EXOC4: variants seen among roughly 807,000 people sequenced by gnomAD.
The protein encoded by EXOC4 is exocyst complex component 4, also known as SEC8-like 1.
Under a neutral mutation model 107.2 loss-of-function variants are expected in EXOC4, and 71 were observed. The ratio of observed to expected loss-of-function variants is 0.66; its 90% CI spans 0.55 to 0.81. The LOEUF (loss-of-function observed/expected upper bound fraction) is 0.81. Ranked by LOEUF, EXOC4 falls within the 30% of genes least tolerant of loss-of-function variation. The probability of loss-of-function intolerance (pLI) is 0.00; values close to 1 mark genes in which losing one functional copy is unlikely to be tolerated. For missense variants in EXOC4, 1,108 were observed against 1,189.6 expected (o/e 0.93, Z 1.01); for synonymous variants, 456 against 441.2 (o/e 1.03, Z -0.42).
intron 9 of EXOC4, among the ~76,000 whole-genome samples, chr7:133,584,542 A>G (rs1440803815): frequency 1.6e-5 from 1 of 62,824 alleles, no homozygotes; most frequent in East Asian, 4.0e-4. Flanking sequence ...TTGTGTCACT[A>G]TTTTTCAGGC....
chr7:133,344,171 A>G (rs181860878), intron 5 of EXOC4, among the ~76,000 whole-genome samples: 1 of 150,184 alleles, frequency 6.7e-6, no homozygotes, highest in East Asian at 2.0e-4. Context: ...TTCTCTTCAC[A>G]CTTTCCTGTT....
intron 10 of EXOC4, among the ~76,000 whole-genome samples, chr7:133,755,210 A>G (rs1300789727): frequency 3.8e-5 from 5 of 132,048 alleles, no homozygotes; most frequent in East Asian, 2.1e-4. Context: ...TTGTTTATAT[A>G]TGTGTGTGTG....
At chr7:133,521,526 GA>G (rs2150910640) in intron 9 of EXOC4, among the ~76,000 whole-genome samples, 1 of 152,152 alleles carries the variant, frequency 6.6e-6, no homozygotes, top group East Asian at 1.9e-4. Context: ...CAAAATGGGA[GA>G]AATGAAGGAT....
At chr7:134,070,000 C>G (rs1796250522), downstream of EXOC4, among the ~76,000 whole-genome samples, 1 of 152,212 alleles carries the variant, frequency 6.6e-6, no homozygotes. Flanking sequence ...AAGGGGCTGT[C>G]CCTCTAGCAG....
At chr7:134,003,743 AT>A (rs1217559572) in intron 15 of EXOC4, among the ~76,000 whole-genome samples, 465 of 144,830 alleles carry the variant, frequency 3.2e-3, no homozygotes, top group African/African-American at 7.3e-3. Context: ...TTGGTTTGGG[AT>A]TTTTTTTTTT....
intron 17 of EXOC4, chr7:134,010,383 AGTTC>A (rs1233471880): frequency 2.0e-5 from 3 of 152,172 alleles, no homozygotes; most frequent in African/African-American, 7.2e-5. Context: ...TCTTCCTTGC[AGTTC>A]GTTCTTTGTA....
chr7:133,657,621 G>A (rs1202749698), intron 10 of EXOC4, among the ~76,000 whole-genome samples: 1 of 152,022 alleles, frequency 6.6e-6, no homozygotes, highest in Non-Finnish European at 1.5e-5. Context: ...TTTGGGCTCA[G>A]CATTGGGAGA....
intron 13 of EXOC4, among the ~76,000 whole-genome samples, chr7:133,936,220 TCAA>T (rs1346882065): frequency 1.3e-5 from 2 of 152,182 alleles, no homozygotes; most frequent in Admixed American, 1.3e-4. Flanking sequence ...CTTCATTGCC[TCAA>T]CATCAACTGT....
intron 9 of EXOC4, among the ~76,000 whole-genome samples, chr7:133,553,527 G>A (rs1800631888): frequency 6.6e-6 from 1 of 152,056 alleles, no homozygotes; most frequent in African/African-American, 2.4e-5. Context: ...CCACCTACGT[G>A]CCTGTGCATG....
At chr7:134,058,535 A>C (rs1795982303) in intron 17 of EXOC4, among the ~76,000 whole-genome samples, 1 of 152,226 alleles carries the variant, frequency 6.6e-6, no homozygotes, top group Non-Finnish European at 1.5e-5. Flanking sequence ...TTAAGTGTTA[A>C]ATTTACAACA....
chr7:133,925,834 G>A (rs568151040), intron 13 of EXOC4, among the ~76,000 whole-genome samples: 24 of 151,892 alleles, frequency 1.6e-4, no homozygotes, highest in Non-Finnish European at 2.4e-4. Context: ...TCAGGAGTTC[G>A]AGACCAGCCT....
rs140338518 is a variant in EXOC4 at position 133,994,644 on chromosome 7, C to T, written c.2207-2848C>T. Among the ~76,000 whole-genome samples, 268 of 152,168 alleles carry T rather than the reference C, an allele frequency of 1.8e-3. 3 individuals carry two copies. Among genetic ancestry groups the T allele is most frequent in the African/African-American group, 5.5e-3 (227 of 41,512 alleles). ...GCTCAAAGTGCATGTCTTCATAAAG[C>T]GATCAAGCACTTACATATTTAAAGC... On this transcript the variant is annotated intron_variant, in intron 14 of 17. Coordinates refer to ENST00000253861, the MANE Select transcript of EXOC4 (RefSeq NM_021807.4).
intron 5 of EXOC4, among the ~76,000 whole-genome samples, chr7:133,321,027 T>TA (rs1184985489): frequency 2.6e-5 from 4 of 152,176 alleles, no homozygotes; most frequent in African/African-American, 9.7e-5. Flanking sequence ...CATAGGCTCT[T>TA]AAAGCTCCTC....
intron 10 of EXOC4, among the ~76,000 whole-genome samples, chr7:133,681,282 G>T (rs1017999277): frequency 6.6e-6 from 1 of 152,148 alleles, no homozygotes; most frequent in Non-Finnish European, 1.5e-5. Context: ...GTAGTAGAGA[G>T]CATAAAGTCT....
At chr7:133,625,773 G>C (rs7811015) in intron 9 of EXOC4, among the ~76,000 whole-genome samples, 149,408 of 152,248 alleles carry the variant, frequency 0.98, 73,386 homozygotes, top group East Asian at 1. Context: ...TTGCATTCCA[G>C]CCATCCATCA....
At chr7:133,639,000 G>C (rs1169198374) in intron 10 of EXOC4, among the ~76,000 whole-genome samples, 1 of 152,026 alleles carries the variant, frequency 6.6e-6, no homozygotes, top group Non-Finnish European at 1.5e-5. Context: ...ACATGTGTTC[G>C]TCTTTTGGAC....
intron 14 of EXOC4, among the ~76,000 whole-genome samples, chr7:133,985,847 A>G (rs1417688241): frequency 6.6e-6 from 1 of 152,118 alleles, no homozygotes; most frequent in African/African-American, 2.4e-5. Context: ...CCTTCTCCCG[A>G]TCCTCCAGTT....
intron 10 of EXOC4, among the ~76,000 whole-genome samples, chr7:133,663,080 T>C (rs1221505830): frequency 6.6e-6 from 1 of 152,200 alleles, no homozygotes; most frequent in Non-Finnish European, 1.5e-5. Context: ...GCATTTTTCC[T>C]GCTGATCAGA....
chr7:133,424,899 G>A (rs933701123), intron 7 of EXOC4, among the ~76,000 whole-genome samples: 1 of 152,192 alleles, frequency 6.6e-6, no homozygotes, highest in Non-Finnish European at 1.5e-5. Flanking sequence ...TGGAGGCAAA[G>A]CCTGTATAAA....
Sources: allele counts gnomAD v4.1 joint callset (sites outside exome capture counted in the v4.1 genomes callset), GRCh38; gene constraint gnomAD v4.1.1; transcripts MANE v1.5; gene names NCBI Gene and HGNC (gene_info 2026-07-23, HGNC 2026-07-21).